Variants in SLC29A4 observed in about 807,000 individuals in gnomAD.
SLC29A4 encodes equilibrative nucleoside transporter 4.
SLC29A4 carries 36 observed loss-of-function variants against 43.9 expected under a neutral mutation model. The ratio of observed to expected loss-of-function variants is 0.82; its 90% CI spans 0.63 to 1.08. SLC29A4 has a LOEUF of 1.08. SLC29A4 is among the 50% of genes least tolerant of loss of function. The pLI, the probability that SLC29A4 is intolerant of heterozygous loss-of-function variation, is 0.00. For missense variants in SLC29A4, 869 were observed against 755.3 expected (o/e 1.15, Z -1.77); for synonymous variants, 491 against 338.0 (o/e 1.45, Z -4.97).
At chr7:5,287,235 A>C (rs561396521) in intron 1 of SLC29A4, among the ~76,000 whole-genome samples, 1 of 152,134 alleles carries the variant, frequency 6.6e-6, no homozygotes, top group Non-Finnish European at 1.5e-5. Context: ...CAATGTAGTG[A>C]GACCCCCAAC....
rs533507390 is a variant in SLC29A4 at position 5,295,369 on chromosome 7, C to T, written c.619+435C>T. 4.6e-4 allele frequency among the ~76,000 whole-genome samples: 70 copies of T among 152,310 alleles called. 1 individual carries two copies. The highest frequency in any genetic ancestry group is 7.1e-4 in the Non-Finnish European group (48 of 68,016). On this transcript the variant is annotated intron_variant, in intron 6 of 10. Coordinates refer to ENST00000396872, the MANE Select transcript of SLC29A4 (RefSeq NM_153247.4). Reference sequence around the variant, plus strand: ...ACACAAGCCACCCCCTGGTCAGCACCCCATGTGGGTGTCTCACGGGCTTCT... The same window carrying T: ...ACACAAGCCACCCCCTGGTCAGCACTCCATGTGGGTGTCTCACGGGCTTCT...
intron 1 of SLC29A4, among the ~76,000 whole-genome samples, chr7:5,283,814 G>C (rs1440487709): frequency 6.6e-6 from 1 of 152,204 alleles, no homozygotes; most frequent in Admixed American, 6.5e-5. Flanking sequence ...TGACTGAGCC[G>C]GGAGTGCGAG....
At chr7:5,301,295 C>T (rs1190005808) in intron 10 of SLC29A4, among the ~76,000 whole-genome samples, 1 of 149,948 alleles carries the variant, frequency 6.7e-6, no homozygotes, top group African/African-American at 2.5e-5. Flanking sequence ...ATCGGCGTGA[C>T]TGGTTGAATG....
Position 5,304,253 on chromosome 7 carries a change from G to A in SLC29A4, c.*1314G>A, listed in dbSNP as rs531233773. On this transcript the variant is annotated 3_prime_UTR_variant, in exon 11 of 11. Coordinates refer to ENST00000396872, the MANE Select transcript of SLC29A4 (RefSeq NM_153247.4). The stretch of plus-strand genomic sequence containing the variant: ...GGTTTGTGGGCAGCGCTGGGTAGTG[G>A]GGTGAGAGCTGGGAGCACTTAGGGT... 1,880 of 152,612 alleles carry A rather than the reference G, an allele frequency of 0.012. 16 individuals are homozygous for A. Among genetic ancestry groups the A allele is most frequent in the Non-Finnish European group, 0.019 (1,298 of 68,268 alleles). 9.5% of individuals were successfully genotyped at this position (152,612 alleles called of 1,614,324 possible).
At chr7:5,287,702 C>T in intron 1 of SLC29A4, 107 bp from the exon 2 acceptor site, 2 of 1,180,210 alleles carry the variant, frequency 1.7e-6, no homozygotes, top group South Asian at 1.5e-5. Flanking sequence ...CGAGTGTGAC[C>T]AAAGTGACAT....
chr7:5,283,316 G>A (rs542981841), intron 1 of SLC29A4, among the ~76,000 whole-genome samples: 2 of 151,816 alleles, frequency 1.3e-5, no homozygotes, highest in African/African-American at 4.8e-5. Flanking sequence ...CCATGGAGGG[G>A]GTCGGCGCCA....
Position 5,288,429 on chromosome 7 carries a change from C to T in SLC29A4, c.169+444C>T, listed in dbSNP as rs113792275. On this transcript the variant is annotated intron_variant, in intron 2 of 10. Transcript: ENST00000396872. ...ACGCCATTCTCCTGCCTCAGCCTCC[C>T]AAGTAGCTGGGACGGCAGGTGCCTG... Among the ~76,000 whole-genome samples, 1,173 of 151,554 alleles carry T rather than the reference C, an allele frequency of 7.7e-3. 11 individuals carry two copies. Among genetic ancestry groups the T allele is most frequent in the Non-Finnish European group, 0.013 (875 of 67,906 alleles).
intron 7 of SLC29A4, among the ~76,000 whole-genome samples, chr7:5,297,868 C>A (rs1011797134): frequency 6.6e-6 from 1 of 152,162 alleles, no homozygotes; most frequent in Non-Finnish European, 1.5e-5. Flanking sequence ...AGAGGCACTG[C>A]CCCTACGGGG....
At chr7:5,299,962 G>C (rs1400320404) in intron 9 of SLC29A4, among the ~76,000 whole-genome samples, 2 of 152,214 alleles carry the variant, frequency 1.3e-5, no homozygotes. Context: ...TGAGGCAGGA[G>C]AATCGCTTGA....
intron 1 of SLC29A4, among the ~76,000 whole-genome samples, 152 bp downstream of exon 1, chr7:5,283,234 C>T (rs1186927141): frequency 2.7e-5 from 4 of 150,822 alleles, no homozygotes; most frequent in African/African-American, 4.9e-5. Context: ...CCGAGGCCAC[C>T]CCGGCCGCGT....
At chr7:5,296,913 G>GGCCCACTGTGCACGCCCCCC (rs749963060) in intron 6 of SLC29A4, 23 bp from the exon 7 acceptor site, 7 of 1,570,112 alleles carry the variant, frequency 4.5e-6, no homozygotes, top group Middle Eastern at 2.4e-4. Flanking sequence ...ATCAGGCCCC[G>GGCCCACTGTGCACGCCCCCC]GCCCACTGTG....
In SLC29A4 at chr7:5,300,732, C is replaced by T. The variant is rs368785043; in HGVS notation, c.1450+70C>T. ...GCAATGCCCCCCTCGCGAGGAAACC[C>T]AGGCTAGACCGCAGGAAGGTGCATT... On this transcript the variant is annotated intron_variant, in intron 10 of 10. Transcript: ENST00000396872. 1.7e-5 allele frequency: 27 copies of T among 1,558,480 alleles called. No homozygotes were observed. In the East Asian group the frequency reaches 2.3e-4, roughly 13 times the overall value.
chr7:5,299,683 C>A (rs1176250209), intron 9 of SLC29A4, among the ~76,000 whole-genome samples: 3 of 152,234 alleles, frequency 2.0e-5, no homozygotes, highest in African/African-American at 7.2e-5. Flanking sequence ...GCCTCACGAT[C>A]ACAGGTCCCC....
intron 9 of SLC29A4, 47 bp from the exon 10 acceptor site, chr7:5,300,375 T>TG: frequency 6.2e-7 from 1 of 1,606,622 alleles, no homozygotes. Flanking sequence ...GTGAGGCGAG[T>TG]GGGGCTGTGG....
chr7:5,289,797 C>T (rs1258004543), intron 2 of SLC29A4, among the ~76,000 whole-genome samples: 3 of 152,168 alleles, frequency 2.0e-5, no homozygotes, highest in Admixed American at 6.5e-5. Flanking sequence ...GAGCATGATA[C>T]AAGAACCCGG....
chr7:5,292,446 T>C (rs1362837110), intron 5 of SLC29A4, among the ~76,000 whole-genome samples: 1 of 151,982 alleles, frequency 6.6e-6, no homozygotes, highest in Non-Finnish European at 1.5e-5. Flanking sequence ...AGTTTTTATT[T>C]TGCAAAAATT....
At position 5,291,183 on chromosome 7, in the gene SLC29A4, C is replaced by G. The variant is rs371767928; in HGVS notation, c.361C>G (p.Leu121Val). The change falls in exon 4 of 11, where the codon CTC becomes GTC. Residue 121 changes from leucine (L) to valine (V), a missense_variant. Coordinates refer to ENST00000396872, the MANE Select transcript of SLC29A4 (RefSeq NM_153247.4). The part of the protein sequence containing the change: ...TYILVALAAV[L>V]LNNVLVERLT... ...CATCTTGGTGGCACTGGCAGCTGTC[C>G]TCCTGAACAACGTCCTGGTGGAGAG... 3 of 1,613,782 alleles carry G rather than the reference C, an allele frequency of 1.9e-6. No homozygotes were observed. The highest frequency in any genetic ancestry group is 1.3e-5 in the African/African-American group (1 of 75,032).
Position 5,290,767 on chromosome 7 carries a change from GC to G in SLC29A4, c.207del (p.Ile70SerfsTer39). The stretch of plus-strand genomic sequence containing the variant: ...GCCAGTGCCCGATGACCGTTATCAC[GC>G]CATCTACTTTGCGATGCTGCTGGCT... Reference protein sequence around the residue: ...DEPVPDDRYHAIYFAMLLAGV... With the variant: ...DEPVPDDRYHXIYFAMLLAGV... On this transcript the variant is annotated frameshift_variant, in exon 3 of 11. Coordinates refer to ENST00000396872, the MANE Select transcript of SLC29A4 (RefSeq NM_153247.4). LOFTEE classifies it high-confidence loss of function. The G allele has an allele frequency of 6.2e-7, 1 of 1,613,888 alleles. No individual in the cohort carries two copies. Among genetic ancestry groups the G allele is most frequent in the Non-Finnish European group, 8.5e-7 (1 of 1,179,854 alleles).
At chr7:5,283,492 A>AG (rs929997093) in intron 1 of SLC29A4, among the ~76,000 whole-genome samples, 4 of 152,044 alleles carry the variant, frequency 2.6e-5, no homozygotes, top group Admixed American at 2.6e-4. Flanking sequence ...GGGACGGCCC[A>AG]GGGGGTCTGT....
Sources: gnomAD v4.1 joint callset for allele counts (sites outside exome capture counted in the v4.1 genomes callset) on GRCh38, gnomAD v4.1.1 for gene constraint, MANE v1.5 for transcripts, NCBI Gene and HGNC (gene_info 2026-07-23, HGNC 2026-07-21) for gene names.